Variants in NME6 observed in about 807,000 individuals in gnomAD.
The protein encoded by NME6 is NME/NM23 nucleoside diphosphate kinase 6, also known as nucleoside diphosphate kinase 6, mitochondrial.
Under a neutral mutation model 22.2 loss-of-function variants are expected in NME6, and 16 were observed. That is an observed-to-expected ratio of 0.72 (90% confidence interval 0.49 to 1.09). The LOEUF is 1.09. NME6 is among the 50% of genes least tolerant of loss of function. The pLI is 0.00. For synonymous variants in NME6, 58 were observed against 85.2 expected, an observed-to-expected ratio of 0.68 and a Z score of 1.76; for missense variants, 229 against 239.0, an observed-to-expected ratio of 0.96 and a Z score of 0.28.
chr3:48,289,735 T>G (rs1263286461), downstream of NME6, among the ~76,000 whole-genome samples: 2 of 152,194 alleles, frequency 1.3e-5, no homozygotes, highest in African/African-American at 4.8e-5. Flanking sequence ...TGTGCACAGC[T>G]AAAGATGGGG....
chr3:48,296,262 G>A, intron 3 of NME6, 104 bp from the exon 4 acceptor site: 1 of 1,531,416 alleles, frequency 6.5e-7, no homozygotes, highest in Non-Finnish European at 8.9e-7. Flanking sequence ...TTGTTTCAGA[G>A]AAAAGAACAA....
At position 48,294,197 on chromosome 3, in the gene NME6, C is replaced by CT. The variant is rs2034804738; in HGVS notation, c.*439dup. On this transcript the variant is annotated 3_prime_UTR_variant, in exon 6 of 6. Transcript: ENST00000442597. Reference sequence around the variant, plus strand: ...TCAAGCAATTCTCCTGCCTCAGCCTCTGAGTAGCTGGGATTACAGGCATGC... The same window carrying CT: ...TCAAGCAATTCTCCTGCCTCAGCCTCTTGAGTAGCTGGGATTACAGGCATGC... 6.5e-6 allele frequency: 1 copy of CT among 153,882 alleles called. No homozygotes were observed. Among genetic ancestry groups the CT allele is most frequent in the East Asian group, 1.9e-4 (1 of 5,266 alleles). The allele number at this position is 153,882 out of a possible 1,614,324, so 9.5% of individuals were successfully genotyped here.
rs527355048 is a variant in NME6 at position 48,301,345 on chromosome 3, G to T, written c.-8+8C>A. 1 of 1,570,844 alleles carries T rather than the reference G, an allele frequency of 6.4e-7. No homozygotes were observed. The highest frequency in any genetic ancestry group is 1.2e-5 in the South Asian group (1 of 85,676). On this transcript the variant is annotated splice_region_variant and intron_variant, in intron 1 of 5. Coordinates refer to ENST00000442597, the MANE Select transcript of NME6 (RefSeq NM_001308426.2). Reference sequence around the variant, plus strand: ...CCCAGTGCAGCAGAAGTCCGGCTGCGGGTTCACCTTGTCCTCCGGCACAGG... The same window carrying T: ...CCCAGTGCAGCAGAAGTCCGGCTGCTGGTTCACCTTGTCCTCCGGCACAGG...
Position 48,298,952 on chromosome 3 carries a change from T to C in NME6, c.-7-429A>G, listed in dbSNP as rs2035420127. The C allele has an allele frequency of 4.3e-6, 3 of 702,908 alleles. No homozygotes were observed. In the South Asian group the frequency reaches 4.4e-5, roughly 10 times the overall value. The allele number at this position is 702,908 out of a possible 1,614,324, so 43.5% of individuals were successfully genotyped here. On this transcript the variant is annotated intron_variant, in intron 1 of 5. Coordinates refer to ENST00000442597, the MANE Select transcript of NME6 (RefSeq NM_001308426.2). ...TCATCTCTTAAAATCTTCCATCCCA[T>C]AGTGCTCTCCTATCAAATCTAGAAT...
chr3:48,287,880 TACTTTCCTG>T (rs2034253982), downstream of NME6, among the ~76,000 whole-genome samples: 1 of 152,166 alleles, frequency 6.6e-6, no homozygotes, highest in Admixed American at 6.5e-5. Flanking sequence ...CTGTTTTTGT[TACTTTCCTG>T]AAATAGGAAG....
At chr3:48,296,974 T>G (rs1371318210) in intron 2 of NME6, 145 bp from the exon 3 acceptor site, 2 of 619,610 alleles carry the variant, frequency 3.2e-6, no homozygotes, top group Non-Finnish European at 5.7e-6. Context: ...GTGAAGACCT[T>G]CAGTCACACA....
Position 48,294,695 on chromosome 3 carries a change from T to C in NME6, c.503A>G (p.Tyr168Cys), listed in dbSNP as rs756754356. Residue 168 changes from tyrosine (Y) to cysteine (C), a missense_variant, in exon 6 of 6, where the codon TAT (tyrosine) becomes TGT (cysteine). Physicochemically the swap from Tyr to Cys is radical, Grantham distance 194. Coordinates refer to ENST00000442597, the MANE Select transcript of NME6 (RefSeq NM_001308426.2). ...ATAGTGGACACCTCCCTCTGGGCTA[T>C]AGCACACAGGGCCACAGCGCAACTG... is the stretch of plus-strand genomic sequence containing the variant. ...EPQLRCGPVCYSPEGGVHYVA... is the reference protein window; with the variant it reads ...EPQLRCGPVCCSPEGGVHYVA... 25 of 1,614,064 alleles carry C rather than the reference T, an allele frequency of 1.5e-5. No individual in the cohort carries two copies. Among genetic ancestry groups the C allele is most frequent in the Non-Finnish European group, 2.0e-5 (24 of 1,180,038 alleles).
intron 1 of NME6, among the ~76,000 whole-genome samples, chr3:48,301,018 A>G (rs1396103416): frequency 6.6e-6 from 1 of 152,128 alleles, no homozygotes; most frequent in Non-Finnish European, 1.5e-5. Flanking sequence ...ACTGCACTCC[A>G]GCCTGGCGAC....
At chr3:48,296,924 G>T (rs2035173872) in intron 2 of NME6, 95 bp from the exon 3 acceptor site, 1 of 920,526 alleles carries the variant, frequency 1.1e-6, no homozygotes, top group Non-Finnish European at 1.7e-6. Context: ...GGACCTGAGG[G>T]TTTGTCCCAT....
Position 48,295,325 on chromosome 3 carries a change from C to T in NME6, c.234-90G>A, listed in dbSNP as rs983004159. 21 of 1,386,918 alleles carry T rather than the reference C, an allele frequency of 1.5e-5. No individual in the cohort carries two copies. In the Admixed American group the frequency reaches 2.0e-4, roughly 13 times the overall value. 85.9% of individuals were successfully genotyped at this position (1,386,918 alleles called of 1,614,324 possible). A position where few individuals can be genotyped will look rare whatever the true frequency, so the allele number is the denominator to read the frequency against. On this transcript the variant is annotated intron_variant, in intron 4 of 5. Coordinates refer to ENST00000442597, the MANE Select transcript of NME6 (RefSeq NM_001308426.2). ...AGGGCCTGAATAAAAACACACTCTA[C>T]GTTCTGAGAGTTTTCCTGCCTTTCC... is the stretch of plus-strand genomic sequence containing the variant.
Position 48,298,444 on chromosome 3 carries a change from G to A in NME6, c.73C>T (p.His25Tyr). The A allele has an allele frequency of 6.2e-7, 1 of 1,614,056 alleles. No individual in the cohort carries two copies. The highest frequency in any genetic ancestry group is 8.5e-7 in the Non-Finnish European group (1 of 1,179,922). ...LALIKPDAVA[H>Y]PLILEAVHQQ... ...ATTCTTACCTCCAGAATCAGTGGAT[G>A]GGCGACTGCGTCAGGCTTGATCAGG... Residue 25 changes from histidine to tyrosine, a missense_variant, in exon 2 of 6, where the codon CAT becomes TAT. Coordinates refer to ENST00000442597, the MANE Select transcript of NME6 (RefSeq NM_001308426.2).
chr3:48,293,770 G>A lies in NME6; in HGVS notation c.*867C>T, dbSNP rs1458448415. The A allele has an allele frequency of 6.6e-6, 1 of 152,116 alleles. No individual in the cohort carries two copies. The highest frequency in any genetic ancestry group is 1.5e-5 in the Non-Finnish European group (1 of 68,038). The allele number at this position is 152,116 out of a possible 1,614,324, so 9.4% of individuals were successfully genotyped here. A position where few individuals can be genotyped will look rare whatever the true frequency, so the allele number is the denominator to read the frequency against. The stretch of plus-strand genomic sequence containing the variant: ...ACCCAATCATGTCTTAACCATCTTT[G>A]CATTTTTCAGTATGTCTTGAATAGA... On this transcript the variant is annotated 3_prime_UTR_variant, in exon 6 of 6. Coordinates refer to ENST00000442597, the MANE Select transcript of NME6 (RefSeq NM_001308426.2).
rs918136775 is a variant in NME6 at position 48,292,328 on chromosome 3, A to G, written c.*2309T>C. ...TTCACACTGATATCTCCAATTCGAC[A>G]CCACAGGGTTTATTCTAGTTTTCTC... On this transcript the variant is annotated 3_prime_UTR_variant, in exon 6 of 6. Transcript: ENST00000442597. 6.6e-6 allele frequency: 1 copy of G among 152,176 alleles called. No homozygotes were observed. The highest frequency in any genetic ancestry group is 2.4e-5 in the African/African-American group (1 of 41,446). 9.4% of individuals were successfully genotyped at this position (152,176 alleles called of 1,614,324 possible). A position where few individuals can be genotyped will look rare whatever the true frequency, so the allele number is the denominator to read the frequency against.
chr3:48,298,182 C>T (rs2035310295), intron 2 of NME6: 1 of 534,168 alleles, frequency 1.9e-6, no homozygotes, highest in Non-Finnish European at 3.4e-6. Flanking sequence ...GCAATAGAAA[C>T]TAACAAATAC....
intron 5 of NME6, 65 bp downstream of exon 5, chr3:48,295,010 C>A: frequency 6.4e-7 from 1 of 1,550,732 alleles, no homozygotes; most frequent in South Asian, 1.2e-5. Flanking sequence ...ACCTGGCTGT[C>A]AACTCTACCA....
chr3:48,289,318 C>T (rs2034307538), downstream of NME6, among the ~76,000 whole-genome samples: 1 of 152,126 alleles, frequency 6.6e-6, no homozygotes, highest in Admixed American at 6.5e-5. Context: ...CCCTGCCCAC[C>T]TCGGCCTCCC....
At chr3:48,288,988 G>C (rs1286749807), downstream of NME6, among the ~76,000 whole-genome samples, 1 of 152,158 alleles carries the variant, frequency 6.6e-6, no homozygotes, top group East Asian at 1.9e-4. Context: ...GAGTGCTGTG[G>C]GGGAGTGCCG....
chr3:48,298,402 G>A (rs765391620), intron 2 of NME6, 25 bp downstream of exon 2: 1 of 1,599,534 alleles, frequency 6.3e-7, no homozygotes, highest in Non-Finnish European at 8.6e-7. Flanking sequence ...AGGGCATGCG[G>A]TAGAGACTTA....
At chr3:48,301,019 G>A (rs2035639390) in intron 1 of NME6, among the ~76,000 whole-genome samples, 1 of 152,124 alleles carries the variant, frequency 6.6e-6, no homozygotes, top group South Asian at 2.1e-4. Context: ...CTGCACTCCA[G>A]CCTGGCGACA....
Sources: gnomAD v4.1 joint callset for allele counts (sites outside exome capture counted in the v4.1 genomes callset) on GRCh38, gnomAD v4.1.1 for gene constraint, MANE v1.5 for transcripts, NCBI Gene and HGNC (gene_info 2026-07-23, HGNC 2026-07-21) for gene names.